ESYT3: variants seen among roughly 807,000 people sequenced by gnomAD.
ESYT3 encodes the protein extended synaptotagmin 3.
Under a neutral mutation model 111.5 loss-of-function variants are expected in ESYT3, and 101 were observed. That is an observed-to-expected ratio of 0.91 (90% CI 0.77 to 1.07). The LOEUF (loss-of-function observed/expected upper bound fraction) is 1.07, where lower values mean the gene tolerates loss of function less well. ESYT3 is among the 50% of genes least tolerant of loss of function. The pLI is 0.00. For missense variants in ESYT3, 1,097 were observed against 1,109.4 expected (o/e 0.99, Z 0.16); for synonymous variants, 416 against 446.8 (o/e 0.93, Z 0.87).
chr3:138,454,129 T>A (rs972851141), intron 2 of ESYT3, among the ~76,000 whole-genome samples: 1 of 152,160 alleles, frequency 6.6e-6, no homozygotes, highest in Admixed American at 6.5e-5. Flanking sequence ...ACGCATGTAG[T>A]CCCAGCCACC....
rs2033356083 is a variant in ESYT3, at chr3:138,473,746, C to CTT, written c.2336+114_2336+115dup. On this transcript the variant is annotated intron_variant, in intron 19 of 22. Transcript: ENST00000389567. ...GCACATAGTCCCAAGATAAATAACA[C>CTT]TTTGGGGGAAAAATGAGATTTGAAG... The CTT allele has an allele frequency of 1.5e-5, 14 of 909,664 alleles. 1 individual carries two copies. The South Asian group carries it at 2.1e-4, about 14-fold the overall frequency. 56.3% of individuals were successfully genotyped at this position (909,664 alleles called of 1,614,324 possible).
intron 1 of ESYT3, among the ~76,000 whole-genome samples, chr3:138,438,221 G>T (rs1371458365): frequency 2.6e-5 from 4 of 152,192 alleles, no homozygotes; most frequent in African/African-American, 9.7e-5. Context: ...AAGAGAGGAT[G>T]ATGGCTTATG....
At chr3:138,472,222 C>T (rs930318324) in intron 17 of ESYT3, 141 bp from the exon 18 acceptor site, 23 of 1,060,676 alleles carry the variant, frequency 2.2e-5, no homozygotes, top group Non-Finnish European at 2.9e-5. Context: ...TTTGGAACAC[C>T]ATATGTATTA....
At chr3:138,465,265 T>C (rs2032867730) in intron 9 of ESYT3, 74 bp from the exon 10 acceptor site, 1 of 1,122,062 alleles carries the variant, frequency 8.9e-7, no homozygotes. Context: ...TTCTGAGCCA[T>C]GATTTGGCTC....
At chr3:138,452,224 CTCT>C (rs757892699) in intron 2 of ESYT3, 135 bp downstream of exon 2, 19 of 752,472 alleles carry the variant, frequency 2.5e-5, no homozygotes, top group African/African-American at 3.6e-5. Flanking sequence ...CTCCCTTTCC[CTCT>C]TCTTTCACCA....
chr3:138,475,790 G>A (rs565042011), intron 20 of ESYT3, among the ~76,000 whole-genome samples: 5 of 152,298 alleles, frequency 3.3e-5, no homozygotes, highest in Non-Finnish European at 7.4e-5. Flanking sequence ...TTAGCCAGGT[G>A]TGGTGGTGCA....
intron 17 of ESYT3, 50 bp from the exon 18 acceptor site, chr3:138,472,313 T>C (rs1009404501): frequency 2.5e-6 from 4 of 1,581,934 alleles, no homozygotes; most frequent in African/African-American, 1.4e-5. Context: ...ATGGCTGAGG[T>C]TGTGGAAGTG....
Position 138,434,622 on chromosome 3 carries a change from C to T in ESYT3, c.-177C>T, listed in dbSNP as rs966793547. ...CGGCGCGGCGCGGCGCGGTGCATTT[C>T]CAGGCGCTGCTCTCCGTCGCAGAGA... On this transcript the variant is annotated 5_prime_UTR_variant, in exon 1 of 23. Coordinates refer to ENST00000389567, the MANE Select transcript of ESYT3 (RefSeq NM_031913.5). 1 of 589,136 alleles carries T rather than the reference C, an allele frequency of 1.7e-6. No homozygotes were observed. Among genetic ancestry groups the T allele is most frequent in the Non-Finnish European group, 2.8e-6 (1 of 353,920 alleles). 36.5% of individuals were successfully genotyped at this position (589,136 alleles called of 1,614,324 possible).
intron 16 of ESYT3, chr3:138,470,463 A>G (rs571269010): frequency 1.8e-5 from 20 of 1,104,712 alleles, no homozygotes; most frequent in Non-Finnish European, 2.2e-5. Context: ...TTTAAAAAAT[A>G]TATGTTTCAT....
At chr3:138,480,552 C>T (rs2108637175), downstream of ESYT3, 2 of 152,298 alleles carry the variant, frequency 1.3e-5, no homozygotes, top group Middle Eastern at 3.4e-3. Flanking sequence ...GTTAAAAAAA[C>T]TGTAGTTCTG....
intron 11 of ESYT3, 86 bp downstream of exon 11, chr3:138,467,695 A>G (rs2033001230): frequency 3.1e-6 from 4 of 1,273,502 alleles, no homozygotes; most frequent in South Asian, 2.6e-5. Context: ...CAGCCCAGCT[A>G]TTCCTATGCT....
In ESYT3 at chr3:138,443,736, C is replaced by CTGTGTGTGTG. The variant is rs11268903; in HGVS notation, c.328-8301_328-8292dup. ...TGTCCACACATCTGTGTTTGTGCAT[C>CTGTGTGTGTG]TGTGTGTGTGTGTGTGTGTGACATG... is the stretch of plus-strand genomic sequence containing the variant. On this transcript the variant is annotated intron_variant, in intron 1 of 22. Transcript: ENST00000389567. Among the ~76,000 whole-genome samples, 1,130 of 147,976 alleles carry CTGTGTGTGTG rather than the reference C, an allele frequency of 7.6e-3. 7 individuals are homozygous for CTGTGTGTGTG. The highest frequency in any genetic ancestry group is 0.026 in the African/African-American group (1,045 of 39,968).
At chr3:138,475,848 C>A (rs770008870) in intron 20 of ESYT3, among the ~76,000 whole-genome samples, 20 of 152,176 alleles carry the variant, frequency 1.3e-4, no homozygotes, top group Non-Finnish European at 2.2e-4. Flanking sequence ...ATTGATTGAA[C>A]CCAGGAGGCA....
chr3:138,472,998 G>A, intron 18 of ESYT3, 139 bp downstream of exon 18: 1 of 1,496,516 alleles, frequency 6.7e-7, no homozygotes. Flanking sequence ...AGCATGGTGT[G>A]GTAGAAAGAA....
At chr3:138,476,765 A>T in intron 22 of ESYT3, 53 bp from the exon 23 acceptor site, 2 of 1,579,832 alleles carry the variant, frequency 1.3e-6, no homozygotes, top group East Asian at 4.5e-5. Flanking sequence ...TTGTCCTGTT[A>T]CCACAACACA....
chr3:138,478,967 C>A lies in ESYT3; in HGVS notation c.*2113C>A, dbSNP rs1169190876. The A allele has an allele frequency of 6.6e-6, 1 of 152,100 alleles. No homozygotes were observed. The highest frequency in any genetic ancestry group is 2.4e-5 in the African/African-American group (1 of 41,424). 9.4% of individuals were successfully genotyped at this position (152,100 alleles called of 1,614,324 possible). A position where few individuals can be genotyped will look rare whatever the true frequency, so the allele number is the denominator to read the frequency against. On this transcript the variant is annotated 3_prime_UTR_variant, in exon 23 of 23. Coordinates refer to ENST00000389567, the MANE Select transcript of ESYT3 (RefSeq NM_031913.5). ...CCTGTGAAGCCTTGATGGAGGCAAC[C>A]ATAAAATTGGCCCCACAGGGTTGCC...
intron 1 of ESYT3, among the ~76,000 whole-genome samples, chr3:138,444,801 A>C (rs2031416374): frequency 1.3e-5 from 2 of 152,070 alleles, no homozygotes; most frequent in Non-Finnish European, 2.9e-5. Flanking sequence ...TTTATAAAGG[A>C]GTTGAGGTCT....
chr3:138,473,865 C>T (rs572595622), intron 19 of ESYT3, among the ~76,000 whole-genome samples: 4 of 152,218 alleles, frequency 2.6e-5, no homozygotes, highest in East Asian at 3.8e-4. Flanking sequence ...TTTGCTCAGA[C>T]GCAACCACTG....
At chr3:138,460,107 G>T in intron 6 of ESYT3, 73 bp downstream of exon 6, 1 of 1,370,684 alleles carries the variant, frequency 7.3e-7, no homozygotes, top group Non-Finnish European at 1.0e-6. Flanking sequence ...CCTAGACATT[G>T]GGTTTGAGTC....
Sources: gnomAD v4.1 joint callset for allele counts (sites outside exome capture counted in the v4.1 genomes callset) on GRCh38, gnomAD v4.1.1 for gene constraint, MANE v1.5 for transcripts, NCBI Gene and HGNC (gene_info 2026-07-23, HGNC 2026-07-21) for gene names.